PIK3CB: variants seen among roughly 807,000 people sequenced by gnomAD.
The protein encoded by PIK3CB is phosphatidylinositol-4,5-bisphosphate 3-kinase catalytic subunit beta, also known as phosphatidylinositol 4,5-bisphosphate 3-kinase catalytic subunit beta isoform.
In PIK3CB, 39 loss-of-function variants were observed where a neutral mutation model predicts 136.8. That is an observed-to-expected ratio of 0.29 (90% CI 0.22 to 0.37). The LOEUF (loss-of-function observed/expected upper bound fraction) is 0.37. Ranked by LOEUF, PIK3CB falls within the 10% of genes least tolerant of loss-of-function variation. The pLI is 1.00. For synonymous variants in PIK3CB, 428 were observed against 436.6 expected, an observed-to-expected ratio of 0.98 and a Z score of 0.25; for missense variants, 868 against 1,275.4, an observed-to-expected ratio of 0.68 and a Z score of 4.87.
At chr3:138,808,876 T>G (rs1038288356) in intron 1 of PIK3CB, among the ~76,000 whole-genome samples, 3 of 152,038 alleles carry the variant, frequency 2.0e-5, no homozygotes, top group Admixed American at 2.0e-4. Context: ...AAAGTATTTA[T>G]TTCTGCTGTT....
At chr3:138,756,158 G>A (rs1463991702) in intron 3 of PIK3CB, among the ~76,000 whole-genome samples, 179 bp from the exon 4 acceptor site, 2 of 151,952 alleles carry the variant, frequency 1.3e-5, no homozygotes, top group African/African-American at 4.8e-5. Context: ...GAAAATAATA[G>A]AAATATATTC....
At chr3:138,754,585 T>C (rs1379647498) in intron 4 of PIK3CB, among the ~76,000 whole-genome samples, 2 of 152,316 alleles carry the variant, frequency 1.3e-5, no homozygotes, top group East Asian at 3.9e-4. Context: ...GATACATAAC[T>C]ATAAACTTGT....
intron 1 of PIK3CB, among the ~76,000 whole-genome samples, chr3:138,807,880 G>A (rs1368555550): frequency 6.7e-6 from 1 of 150,034 alleles, no homozygotes; most frequent in Non-Finnish European, 1.5e-5. Context: ...GGGGAAGACA[G>A]CAAGATCCTG....
At chr3:138,784,482 G>A (rs945351483) in intron 2 of PIK3CB, among the ~76,000 whole-genome samples, 5 of 151,976 alleles carry the variant, frequency 3.3e-5, no homozygotes, top group East Asian at 1.9e-4. Context: ...GATGCCGAGC[G>A]GAGGCTGGAC....
chr3:138,732,509 A>G (rs1481062301), intron 8 of PIK3CB, among the ~76,000 whole-genome samples: 2 of 152,166 alleles, frequency 1.3e-5, no homozygotes, highest in Non-Finnish European at 2.9e-5. Flanking sequence ...GATCACAAAA[A>G]TTATTCACTT....
chr3:138,822,713 CG>C (rs1246481250), intron 1 of PIK3CB, among the ~76,000 whole-genome samples: 1 of 151,216 alleles, frequency 6.6e-6, no homozygotes, highest in African/African-American at 2.4e-5. Flanking sequence ...GTGTGGCATG[CG>C]CCTATAATCC....
chr3:138,701,582 C>A (rs1299657891), intron 12 of PIK3CB, among the ~76,000 whole-genome samples: 2 of 151,942 alleles, frequency 1.3e-5, no homozygotes, highest in Admixed American at 1.3e-4. Context: ...GTCAAGAGAT[C>A]GAGACCATCC....
chr3:138,681,974 C>T lies in PIK3CB; in HGVS notation c.2497G>A (p.Asp833Asn), dbSNP rs2043791961. The T allele has an allele frequency of 6.2e-7, 1 of 1,600,260 alleles. No homozygotes were observed. Among genetic ancestry groups the T allele is most frequent in the East Asian group, 2.2e-5 (1 of 44,688 alleles). ...AAAAAGACTAGATCTCACCGAAGAT[C>T]CAAACCAGCTTCTTTCCAGAGTAAA... ...MDLLWKEAGL[D>N]LRMLPYGCLA... The change falls in exon 19 of 24, where the codon GAT becomes AAT. Residue 833 changes from aspartate (D) to asparagine (N), a missense_variant. Physicochemically the swap from Asp to Asn is conservative, Grantham distance 23. Around this residue, in one of 4 missense-constraint regions of PIK3CB, gnomAD observed 165 missense variants for 295.4 expected, o/e 0.56. Coordinates refer to ENST00000674063, the MANE Select transcript of PIK3CB (RefSeq NM_006219.3).
At chr3:138,687,844 T>C (rs968855601) in intron 16 of PIK3CB, among the ~76,000 whole-genome samples, 22 of 152,126 alleles carry the variant, frequency 1.4e-4, no homozygotes, top group African/African-American at 4.6e-4. Context: ...ACAATTTAGA[T>C]AGTTAATGAA....
intron 1 of PIK3CB, among the ~76,000 whole-genome samples, chr3:138,827,744 C>A (rs888749020): frequency 6.6e-6 from 1 of 151,434 alleles, no homozygotes; most frequent in African/African-American, 2.4e-5. Flanking sequence ...CTTTGGGAGG[C>A]CGAGGCGGGC....
At chr3:138,662,866 T>TGA (rs2043326516) in intron 21 of PIK3CB, among the ~76,000 whole-genome samples, 1 of 152,248 alleles carries the variant, frequency 6.6e-6, no homozygotes. Flanking sequence ...TGGCCAGTGA[T>TGA]GATGAGCATT....
chr3:138,738,383 G>C (rs1049105093), intron 5 of PIK3CB, among the ~76,000 whole-genome samples: 3 of 152,072 alleles, frequency 2.0e-5, no homozygotes, highest in Non-Finnish European at 4.4e-5. Flanking sequence ...ATGTTGTCCA[G>C]GCTAGTCTCA....
chr3:138,665,396 T>C (rs2043386795), intron 19 of PIK3CB, among the ~76,000 whole-genome samples, 193 bp from the exon 20 acceptor site: 1 of 152,236 alleles, frequency 6.6e-6, no homozygotes, highest in Non-Finnish European at 1.5e-5. Context: ...AGGAGTAATT[T>C]ACAAGGATTC....
At chr3:138,660,236 T>C (rs1408741703) in intron 21 of PIK3CB, among the ~76,000 whole-genome samples, 2 of 152,138 alleles carry the variant, frequency 1.3e-5, no homozygotes, top group Non-Finnish European at 2.9e-5. Context: ...CCTGAAGGCA[T>C]TAGATTATAT....
At chr3:138,755,698 G>T in intron 4 of PIK3CB, 56 bp downstream of exon 4, 2 of 793,444 alleles carry the variant, frequency 2.5e-6, no homozygotes, top group Non-Finnish European at 2.1e-6. Flanking sequence ...CTTACTATAT[G>T]TTTATATAAA....
intron 2 of PIK3CB, among the ~76,000 whole-genome samples, chr3:138,793,779 G>T (rs1280235734): frequency 6.6e-6 from 1 of 152,050 alleles, no homozygotes; most frequent in East Asian, 1.9e-4. Context: ...CAGCACTTTG[G>T]GAGGCCAAGG....
chr3:138,694,823 C>G lies in PIK3CB; in HGVS notation c.1855G>C (p.Val619Leu). The G allele has an allele frequency of 1.9e-6, 3 of 1,613,208 alleles. No homozygotes were observed. Among genetic ancestry groups the G allele is most frequent in the Non-Finnish European group, 2.5e-6 (3 of 1,179,592 alleles). Residue 619 changes from valine to leucine, a missense_variant, in exon 14 of 24, where the codon GTT (valine) becomes CTT (leucine). By Grantham distance (32) the Val-to-Leu change is conservative. This residue lies in a region of PIK3CB where 612 missense variants were observed against 801.1 expected (regional missense o/e 0.76). Coordinates refer to ENST00000674063, the MANE Select transcript of PIK3CB (RefSeq NM_006219.3). ...AGGCAGCCTACAGCATATTCTCGAACGTACTGGTCTGGATAGTTGAAATCC... is the reference window on the plus strand; with the variant it reads ...AGGCAGCCTACAGCATATTCTCGAAGGTACTGGTCTGGATAGTTGAAATCC... ...LLDFNYPDQY[V>L]REYAVGCLRQ... is the part of the protein sequence containing the mutation.
chr3:138,683,628 A>C, intron 18 of PIK3CB, 50 bp downstream of exon 18: 1 of 1,003,298 alleles, frequency 1.0e-6, no homozygotes, highest in Non-Finnish European at 1.6e-6. Context: ...GCAAAATGGC[A>C]ACAAATGAAA....
chr3:138,831,237 A>G (rs4405948), intron 1 of PIK3CB, among the ~76,000 whole-genome samples: 76,492 of 150,274 alleles, frequency 0.51, 21,980 homozygotes, highest in African/African-American at 0.75. Context: ...CAGGCTGGGC[A>G]ACAGAGTGAG....
Sources: gnomAD v4.1 joint callset for allele counts (sites outside exome capture counted in the v4.1 genomes callset) on GRCh38, gnomAD v4.1.1 for gene constraint, gnomAD v4.1.1 regional missense constraint, MANE v1.5 for transcripts, NCBI Gene and HGNC (gene_info 2026-07-23, HGNC 2026-07-21) for gene names.